Variants in NELL2 observed in about 807,000 individuals in gnomAD.
NELL2 encodes the protein protein kinase C-binding protein NELL2.
Under a neutral mutation model 109.6 loss-of-function variants are expected in NELL2, and 41 were observed. The ratio of observed to expected loss-of-function variants is 0.37; its 90% CI spans 0.29 to 0.49. The LOEUF is 0.49. Ranked by LOEUF, NELL2 falls within the 20% of genes least tolerant of loss-of-function variation. The pLI, the probability that NELL2 is intolerant of heterozygous loss-of-function variation, is 0.98. For synonymous variants in NELL2, 355 were observed against 344.7 expected (o/e 1.03, Z -0.33); for missense variants, 900 against 1,008.3 (o/e 0.89, Z 1.45).
chr12:44,590,890 G>C (rs1314278646), intron 15 of NELL2, among the ~76,000 whole-genome samples: 1 of 145,816 alleles, frequency 6.9e-6, no homozygotes, highest in Non-Finnish European at 1.5e-5. Context: ...TTAATATGCA[G>C]AATATACAAA....
intron 14 of NELL2, among the ~76,000 whole-genome samples, chr12:44,607,712 T>C (rs1208364588): frequency 6.6e-6 from 1 of 152,074 alleles, no homozygotes; most frequent in South Asian, 2.1e-4. Context: ...AGTGCCAAAA[T>C]AGTAGGAAAT....
intron 10 of NELL2, 28 bp downstream of exon 10, chr12:44,714,622 T>G: frequency 7.1e-7 from 1 of 1,410,042 alleles, no homozygotes; most frequent in Non-Finnish European, 9.7e-7. Context: ...AGAAACAATT[T>G]TGAAAGACCC....
intron 9 of NELL2, among the ~76,000 whole-genome samples, chr12:44,751,132 A>T (rs1940631844): frequency 6.6e-6 from 1 of 152,138 alleles, no homozygotes; most frequent in African/African-American, 2.4e-5. Context: ...CAATCAGAAA[A>T]TTGGGGTCAT....
chr12:44,666,982 G>A (rs73287704), intron 12 of NELL2, among the ~76,000 whole-genome samples: 5,274 of 152,062 alleles, frequency 0.035, 302 homozygotes, highest in African/African-American at 0.12. Context: ...CTTGTTTACC[G>A]GTAGATTAAT....
chr12:44,584,521 T>A (rs958613664), intron 15 of NELL2, among the ~76,000 whole-genome samples: 1 of 152,340 alleles, frequency 6.6e-6, no homozygotes, highest in African/African-American at 2.4e-5. Context: ...CTATATTATA[T>A]ACCTGAGCCT....
At chr12:44,812,722 T>C (rs1943218837) in intron 3 of NELL2, among the ~76,000 whole-genome samples, 2 of 152,124 alleles carry the variant, frequency 1.3e-5, no homozygotes, top group Non-Finnish European at 2.9e-5. Flanking sequence ...GTTGAGATGA[T>C]AGAAGGCAAT....
At chr12:44,636,634 G>A (rs906789958) in intron 13 of NELL2, among the ~76,000 whole-genome samples, 1 of 152,088 alleles carries the variant, frequency 6.6e-6, no homozygotes, top group African/African-American at 2.4e-5. Flanking sequence ...GGATGAAGCC[G>A]ACTTGATCAT....
chr12:44,876,988 G>C, upstream of NELL2: 2 of 874,832 alleles, frequency 2.3e-6, no homozygotes, highest in Non-Finnish European at 3.0e-6. Flanking sequence ...ACTTGGCCAG[G>C]AGGTGCTGGA....
chr12:44,818,267 C>T (rs1666566937), intron 2 of NELL2, among the ~76,000 whole-genome samples: 1 of 152,188 alleles, frequency 6.6e-6, no homozygotes, highest in African/African-American at 2.4e-5. Context: ...CTAATTTATA[C>T]AGAAGTGAAT....
upstream of NELL2, chr12:44,876,778 C>G (rs1042908589): frequency 2.8e-6 from 4 of 1,411,940 alleles, no homozygotes; most frequent in East Asian, 5.3e-5. Flanking sequence ...GGCACTCCCC[C>G]TCCAGGGCGT....
At chr12:44,786,881 T>A (rs7975446) in intron 3 of NELL2, among the ~76,000 whole-genome samples, 35,951 of 151,286 alleles carry the variant, frequency 0.24, 4,535 homozygotes, top group South Asian at 0.3. Flanking sequence ...TGTCATGGGG[T>A]GGGGGCAAGA....
intron 3 of NELL2, among the ~76,000 whole-genome samples, chr12:44,783,468 A>G (rs553149996): frequency 6.6e-6 from 1 of 152,034 alleles, no homozygotes; most frequent in East Asian, 1.9e-4. Flanking sequence ...TAATGAACTA[A>G]CGAAGAAAAA....
chr12:44,779,681 A>C lies in NELL2; in HGVS notation c.588T>G (p.Asn196Lys). Reference sequence around the variant, plus strand: ...AAGATACCTTAAAATATCCATGCGCATTATTTCTCTGTCCTAGCCAAAATG... The same window carrying C: ...AAGATACCTTAAAATATCCATGCGCCTTATTTCTCTGTCCTAGCCAAAATG... The part of the protein sequence containing the change: ...GTTFWLGQRN[N>K]AHGYFKGIMQ... Residue 196 changes from asparagine (N) to lysine (K), a missense_variant, in exon 5 of 20, where the codon AAT (asparagine) becomes AAG (lysine). Asn to Lys is a moderately conservative substitution (Grantham distance 94). This residue lies in a region of NELL2 where 75 missense variants were observed against 118.9 expected (regional missense o/e 0.63). Coordinates refer to ENST00000429094, the MANE Select transcript of NELL2 (RefSeq NM_001145108.2). The C allele has an allele frequency of 6.2e-7, 1 of 1,613,616 alleles. No individual in the cohort carries two copies.
chr12:44,521,837 G>T (rs1941554588), intron 18 of NELL2, 163 bp downstream of exon 18: 2 of 629,808 alleles, frequency 3.2e-6, no homozygotes, highest in East Asian at 2.8e-5. Context: ...TTCTTGGGTT[G>T]TGATCGTGTA....
At chr12:44,694,474 A>G (rs1948991221) in intron 12 of NELL2, among the ~76,000 whole-genome samples, 1 of 151,690 alleles carries the variant, frequency 6.6e-6, no homozygotes, top group South Asian at 2.1e-4. Context: ...CCAATTCCTT[A>G]TAATAATAAA....
chr12:44,691,488 G>A (rs573527640), intron 12 of NELL2, among the ~76,000 whole-genome samples: 1 of 152,054 alleles, frequency 6.6e-6, no homozygotes, highest in Admixed American at 6.6e-5. Flanking sequence ...GGGATACAAC[G>A]ATATTGAAAT....
intron 15 of NELL2, among the ~76,000 whole-genome samples, chr12:44,545,679 C>T (rs1942765313): frequency 1.3e-5 from 2 of 152,008 alleles, no homozygotes; most frequent in Admixed American, 6.6e-5. Flanking sequence ...CCTACACATG[C>T]TAGAAAATTA....
At chr12:44,634,222 T>G (rs1272286885) in intron 13 of NELL2, among the ~76,000 whole-genome samples, 1 of 152,110 alleles carries the variant, frequency 6.6e-6, no homozygotes, top group Middle Eastern at 3.2e-3. Context: ...GTGCAGAAGG[T>G]GCAGGTTTGT....
intron 13 of NELL2, among the ~76,000 whole-genome samples, chr12:44,661,692 A>G (rs1947747307): frequency 6.6e-6 from 1 of 152,188 alleles, no homozygotes; most frequent in Non-Finnish European, 1.5e-5. Context: ...ACGTGAGTGA[A>G]CCAAAAAAAG....
Sources: gnomAD v4.1 joint callset for allele counts (sites outside exome capture counted in the v4.1 genomes callset) on GRCh38, gnomAD v4.1.1 for gene constraint, gnomAD v4.1.1 regional missense constraint, MANE v1.5 for transcripts, NCBI Gene and HGNC (gene_info 2026-07-23, HGNC 2026-07-21) for gene names.